The following TENM3 variants were observed in gnomAD, a reference collection of about 807,000 sequenced individuals.
TENM3 encodes the protein teneurin-3.
Under a neutral mutation model 255.1 loss-of-function variants are expected in TENM3, and 63 were observed. The observed-to-expected ratio is 0.25, with a 90% CI of 0.20 to 0.30. The LOEUF (loss-of-function observed/expected upper bound fraction) is 0.30, where lower values mean the gene tolerates loss of function less well. TENM3 is among the 10% of genes least tolerant of loss of function. The pLI is 1.00. For missense variants in TENM3, 2,929 were observed against 3,461.1 expected (o/e 0.85, Z 3.86); for synonymous variants, 1,306 against 1,322.3 (o/e 0.99, Z 0.27).
At chr4:182,750,717 T>A (rs1000646094) in intron 19 of TENM3, among the ~76,000 whole-genome samples, 4 of 152,132 alleles carry the variant, frequency 2.6e-5, no homozygotes, top group Non-Finnish European at 2.9e-5. Flanking sequence ...TGTTCGTGGC[T>A]GTATGTGGAA....
the TENM3 span, among the ~76,000 whole-genome samples, chr4:181,587,686 A>G: frequency 2.0e-5 from 3 of 152,062 alleles, no homozygotes; most frequent in Non-Finnish European, 4.4e-5. Context: ...CTCAAATACT[A>G]AGTTGAATGT....
At chr4:182,298,840 G>T (rs1042844064) in intron 1 of TENM3, among the ~76,000 whole-genome samples, 19 of 151,484 alleles carry the variant, frequency 1.3e-4, no homozygotes, top group Admixed American at 1.1e-3. Flanking sequence ...GGGCGTGATG[G>T]CGCCCACCTG....
chr4:182,785,377 C>G (rs1455318650), intron 24 of TENM3, among the ~76,000 whole-genome samples: 1 of 151,832 alleles, frequency 6.6e-6, no homozygotes, highest in African/African-American at 2.4e-5. Flanking sequence ...CGGTCTTAAC[C>G]TGATATTTTT....
chr4:182,534,700 T>C (rs1461437616), intron 3 of TENM3, among the ~76,000 whole-genome samples: 2 of 152,182 alleles, frequency 1.3e-5, no homozygotes, highest in East Asian at 3.9e-4. Flanking sequence ...AGATAAGCGA[T>C]GGAGATAGAA....
At chr4:181,475,531 A>G in the TENM3 span, among the ~76,000 whole-genome samples, 5 of 152,184 alleles carry the variant, frequency 3.3e-5, no homozygotes, top group Non-Finnish European at 7.3e-5. Flanking sequence ...TTTAGGTCAG[A>G]ATCACTCTGC....
chr4:182,595,330 A>G (rs1378000448), intron 3 of TENM3, among the ~76,000 whole-genome samples: 2 of 151,900 alleles, frequency 1.3e-5, no homozygotes, highest in Non-Finnish European at 2.9e-5. Flanking sequence ...ACTGTAATCT[A>G]CCCTGTATCC....
chr4:182,407,918 T>C (rs1009394280), intron 3 of TENM3, among the ~76,000 whole-genome samples: 2 of 152,228 alleles, frequency 1.3e-5, no homozygotes, highest in African/African-American at 4.8e-5. Flanking sequence ...GAAAATACCT[T>C]TCAAAATTGA....
chr4:182,232,074 T>C (rs552835726), intron 1 of TENM3, among the ~76,000 whole-genome samples: 1 of 152,228 alleles, frequency 6.6e-6, no homozygotes, highest in Non-Finnish European at 1.5e-5. Flanking sequence ...TACAGGCATC[T>C]CTAGCTGTTT....
At chr4:181,879,696 T>C in the TENM3 span, among the ~76,000 whole-genome samples, 2 of 152,160 alleles carry the variant, frequency 1.3e-5, no homozygotes, top group Non-Finnish European at 2.9e-5. Flanking sequence ...CTCTAACTCA[T>C]GGAACGTTAG....
chr4:182,262,059 G>A (rs146613935), intron 1 of TENM3, among the ~76,000 whole-genome samples: 6 of 152,258 alleles, frequency 3.9e-5, no homozygotes, highest in Non-Finnish European at 4.4e-5. Flanking sequence ...TGTAAAGAAA[G>A]GCAGGAGGCA....
chr4:181,817,142 G>C, the TENM3 span, among the ~76,000 whole-genome samples: 1 of 152,138 alleles, frequency 6.6e-6, no homozygotes, highest in South Asian at 2.1e-4. Flanking sequence ...CATGAGCTCT[G>C]TAGATATTCA....
the TENM3 span, among the ~76,000 whole-genome samples, chr4:181,518,692 G>T: frequency 6.6e-6 from 1 of 152,330 alleles, no homozygotes; most frequent in African/African-American, 2.4e-5. Context: ...CTCCTAAAGT[G>T]TTGGGATTAC....
At chr4:182,758,164 G>A (rs1762867860) in intron 22 of TENM3, among the ~76,000 whole-genome samples, 1 of 152,290 alleles carries the variant, frequency 6.6e-6, no homozygotes, top group East Asian at 1.9e-4. Context: ...GCAAAATAAT[G>A]TGTTAAAGAA....
the TENM3 span, among the ~76,000 whole-genome samples, chr4:181,782,936 T>A: frequency 6.6e-6 from 1 of 152,142 alleles, no homozygotes; most frequent in African/African-American, 2.4e-5. Context: ...CGGTTTTGAG[T>A]GAGTTTCTTA....
the TENM3 span, among the ~76,000 whole-genome samples, chr4:181,784,512 G>A: frequency 4.0e-5 from 6 of 151,818 alleles, no homozygotes; most frequent in Non-Finnish European, 8.8e-5. Context: ...TAGTTTTCAG[G>A]TTTGATTTTC....
intron 4 of TENM3, among the ~76,000 whole-genome samples, chr4:182,621,436 TC>T: frequency 6.7e-6 from 1 of 149,990 alleles, no homozygotes; most frequent in South Asian, 2.1e-4. Flanking sequence ...ACAGTACAGG[TC>T]CCAATCTGAG....
At chr4:182,232,322 G>A (rs1756633290) in intron 1 of TENM3, among the ~76,000 whole-genome samples, 1 of 152,168 alleles carries the variant, frequency 6.6e-6, no homozygotes, top group Admixed American at 6.5e-5. Context: ...AAGAGGTACT[G>A]GAGCACTTGC....
chr4:182,605,439 G>C (rs1345056344), intron 4 of TENM3, among the ~76,000 whole-genome samples: 1 of 150,512 alleles, frequency 6.6e-6, no homozygotes, highest in Non-Finnish European at 1.5e-5. Flanking sequence ...AATTGGACCT[G>C]GGCCAATGGT....
Position 182,499,680 on chromosome 4 carries a change from A to G in TENM3, c.512-101244A>G, listed in dbSNP as rs1014756250. ...AACTCATAGCAAATTAAAAAGTTCT[A>G]GTACTTTCATTGCTCACAGCACCTA... On this transcript the variant is annotated intron_variant, in intron 3 of 27. Transcript: ENST00000511685. 1.8e-4 allele frequency among the ~76,000 whole-genome samples: 28 copies of G among 152,172 alleles called. 2 individuals are homozygous for G. Among genetic ancestry groups the G allele is most frequent in the Non-Finnish European group, 1.6e-4 (11 of 68,026 alleles).
Sources: gnomAD v4.1 joint callset for allele counts (sites outside exome capture counted in the v4.1 genomes callset) on GRCh38, gnomAD v4.1.1 for gene constraint, MANE v1.5 for transcripts, NCBI Gene and HGNC (gene_info 2026-07-23, HGNC 2026-07-21) for gene names.